The following ANKRD28 variants were observed in gnomAD, a reference collection of about 807,000 sequenced individuals.
The protein encoded by ANKRD28 is serine/threonine-protein phosphatase 6 regulatory ankyrin repeat subunit A.
ANKRD28 carries 44 observed loss-of-function variants against 126.5 expected under a neutral mutation model. That is an observed-to-expected ratio of 0.35 (90% CI 0.27 to 0.45). ANKRD28 has a LOEUF of 0.45. Ranked by LOEUF, ANKRD28 falls within the 20% of genes least tolerant of loss-of-function variation. The pLI is 1.00. For synonymous variants in ANKRD28, 442 were observed against 468.5 expected, an observed-to-expected ratio of 0.94 and a Z score of 0.73; for missense variants, 1,110 against 1,316.6, an observed-to-expected ratio of 0.84 and a Z score of 2.43.
rs116519308 is a variant in ANKRD28, at chr3:15,754,839, G to A, written c.281-3019C>T. On this transcript the variant is annotated intron_variant, in intron 3 of 27. Transcript: ENST00000683139. The stretch of plus-strand genomic sequence containing the variant: ...ACCTTTAAATATGTATATATCGGCC[G>A]GGTGCAGTGGCTCACGCCTGTAATC... Among the ~76,000 whole-genome samples the A allele has an allele frequency of 5.6e-3, 852 of 152,240 alleles. 6 individuals are homozygous for A. The highest frequency in any genetic ancestry group is 0.019 in the African/African-American group (809 of 41,524).
intron 4 of ANKRD28, chr3:15,738,826 G>C (rs764820547): frequency 6.6e-6 from 1 of 152,212 alleles, no homozygotes. Flanking sequence ...AGGCCTGGGA[G>C]CGCTATGGGA....
intron 12 of ANKRD28, 148 bp from the exon 13 acceptor site, chr3:15,709,884 GA>G (rs2071987397): frequency 1.8e-6 from 1 of 542,666 alleles, no homozygotes; most frequent in Non-Finnish European, 3.2e-6. Flanking sequence ...ATAAAACATT[GA>G]AATTCATCTT....
chr3:15,757,636 A>G (rs1018462217), intron 3 of ANKRD28, among the ~76,000 whole-genome samples: 1 of 152,152 alleles, frequency 6.6e-6, no homozygotes. Flanking sequence ...CCTTTCCACC[A>G]TATGAGGTTA....
chr3:15,748,039 A>G (rs760963365), intron 4 of ANKRD28, among the ~76,000 whole-genome samples: 12 of 152,148 alleles, frequency 7.9e-5, no homozygotes, highest in Non-Finnish European at 1.8e-4. Context: ...GTCCATTTGC[A>G]TGGAGTATCT....
Position 15,804,528 on chromosome 3 carries a change from A to G in ANKRD28, c.28-9222T>C, listed in dbSNP as rs147202854. The stretch of plus-strand genomic sequence containing the variant: ...TTTCAGAAAATGGTTGAAGATTCAA[A>G]ACTATCATTTATAATATATAATTGT... On this transcript the variant is annotated intron_variant, in intron 1 of 27. Transcript: ENST00000399451. Among the ~76,000 whole-genome samples, 684 of 145,814 alleles carry G rather than the reference A, an allele frequency of 4.7e-3. 93 individuals are homozygous for G. In the East Asian group the frequency reaches 0.05, roughly 11 times the overall value.
chr3:15,751,788 A>G lies in ANKRD28; in HGVS notation c.313T>C (p.Leu105=), dbSNP rs774180812. The G allele has an allele frequency of 1.3e-6, 2 of 1,589,446 alleles. No individual in the cohort carries two copies. Among genetic ancestry groups the G allele is most frequent in the Middle Eastern group, 1.7e-4 (1 of 6,026 alleles). Residue 105 remains leucine, a synonymous_variant, in exon 4 of 28, where the codon TTG becomes CTG. Transcript: ENST00000683139. ...GCAACTGCTCTGTGTAAAGGTGTCA[A>G]CCATTTGCTGTCTTTGGCATTAACT... ...ARVNAKDSKW[L]TPLHRAVASC... is the part of the protein sequence containing the mutation.
intron 6 of ANKRD28, among the ~76,000 whole-genome samples, chr3:15,730,173 A>T (rs2074477831): frequency 1.3e-5 from 2 of 152,132 alleles, no homozygotes; most frequent in South Asian, 2.1e-4. Context: ...AAAAATATTT[A>T]TTCAGTACCT....
chr3:15,684,618 G>C (rs1222711136), intron 21 of ANKRD28: 1 of 152,080 alleles, frequency 6.6e-6, no homozygotes, highest in Non-Finnish European at 1.5e-5. Flanking sequence ...GGGTGCAATG[G>C]CTCATGCCTG....
In ANKRD28 at chr3:15,736,244, ATC is replaced by A. The variant is rs199573171; in HGVS notation, c.553-749_553-748del. ...TGTATTAAAATTGTTCCATATTATT[ATC>A]TCTTACTGTGCCTTAATTATAAATT... On this transcript the variant is annotated intron_variant, in intron 5 of 27. Coordinates refer to ENST00000683139, the MANE Select transcript of ANKRD28 (RefSeq NM_001349278.2). Among the ~76,000 whole-genome samples, 243 of 152,340 alleles carry A rather than the reference ATC, an allele frequency of 1.6e-3. 4 individuals are homozygous for A. The East Asian group carries it at 0.031, about 20-fold the overall frequency.
Position 15,676,999 on chromosome 3 carries a change from T to C in ANKRD28, c.2848A>G (p.Asn950Asp). The C allele has an allele frequency of 6.2e-7, 1 of 1,613,446 alleles. No individual in the cohort carries two copies. Among genetic ancestry groups the C allele is most frequent in the Non-Finnish European group, 8.5e-7 (1 of 1,179,590 alleles). Residue 950 changes from asparagine (N) to aspartate (D), a missense_variant, in exon 26 of 28, where the codon AAT becomes GAT. Transcript: ENST00000683139. ...GTTTGCAAGGCTGCGTTGGTTGCAT[T>C]GATGAGGTTTCTATCTGTTATCTTT... ...LEKITDRNLI[N>D]ATNAALQTPL...
At chr3:15,837,336 C>CTT (rs1221494843) in intron 1 of ANKRD28, among the ~76,000 whole-genome samples, 1 of 152,080 alleles carries the variant, frequency 6.6e-6, no homozygotes, top group African/African-American at 2.4e-5. Flanking sequence ...TGCCCAACAG[C>CTT]AGTATAACTT....
intron 20 of ANKRD28, 125 bp downstream of exon 20, chr3:15,685,877 G>T: frequency 1.4e-6 from 1 of 736,782 alleles, no homozygotes; most frequent in Non-Finnish European, 2.2e-6. Context: ...CTAAGATACT[G>T]AAAGAAATGG....
intron 11 of ANKRD28, among the ~76,000 whole-genome samples, chr3:15,711,510 G>A (rs1211629208): frequency 6.6e-6 from 1 of 152,160 alleles, no homozygotes; most frequent in Non-Finnish European, 1.5e-5. Flanking sequence ...ATTATATTAA[G>A]TGAAACAAGC....
chr3:15,778,554 A>C (rs2059400637), intron 2 of ANKRD28, among the ~76,000 whole-genome samples: 1 of 152,226 alleles, frequency 6.6e-6, no homozygotes, highest in African/African-American at 2.4e-5. Flanking sequence ...AGTTCTTACC[A>C]TATGGCTCCC....
chr3:15,859,258 C>A, intron 1 of ANKRD28: 3 of 1,411,762 alleles, frequency 2.1e-6, no homozygotes, highest in South Asian at 1.3e-5. Context: ...CGGGGCAGGA[C>A]CCCCGTTTCC....
chr3:15,805,142 T>G lies in ANKRD28; in HGVS notation c.28-9836A>C, dbSNP rs1186062096. ...GATGACTATTTTTAGATTTCAGCCT[T>G]AAGAGAATTACTTCCTTCCAAAAGA... On this transcript the variant is annotated intron_variant, in intron 1 of 27. Transcript: ENST00000399451. Among the ~76,000 whole-genome samples, 7 of 129,436 alleles carry G rather than the reference T, an allele frequency of 5.4e-5. 1 individual carries two copies. Among genetic ancestry groups the G allele is most frequent in the African/African-American group, 1.8e-4 (6 of 33,078 alleles). The allele number at this position is 129,436 out of a possible 152,430, so 84.9% of individuals were successfully genotyped here.
intron 14 of ANKRD28, 144 bp from the exon 15 acceptor site, chr3:15,696,389 C>T: frequency 1.9e-6 from 1 of 536,896 alleles, no homozygotes; most frequent in Non-Finnish European, 3.2e-6. Flanking sequence ...ATAAAAATGT[C>T]ATTTAAATGA....
intron 1 of ANKRD28, among the ~76,000 whole-genome samples, chr3:15,859,214 C>G (rs1295529662): frequency 1.3e-5 from 2 of 152,204 alleles, no homozygotes; most frequent in African/African-American, 4.8e-5. Context: ...GCGGGTCGCC[C>G]GCGGACCCCG....
chr3:15,808,649 T>G (rs1218020146), intron 1 of ANKRD28, among the ~76,000 whole-genome samples: 1 of 152,240 alleles, frequency 6.6e-6, no homozygotes, highest in Non-Finnish European at 1.5e-5. Flanking sequence ...CTAATAGACC[T>G]TACTTTTTCA....
Sources: gnomAD v4.1 joint callset for allele counts (sites outside exome capture counted in the v4.1 genomes callset) on GRCh38, gnomAD v4.1.1 for gene constraint, MANE v1.5 for transcripts, NCBI Gene and HGNC (gene_info 2026-07-23, HGNC 2026-07-21) for gene names.